Variants in RABL2A observed in about 807,000 individuals in gnomAD.
RABL2A encodes rab-like protein 2A.
In RABL2A, 17 loss-of-function variants were observed where a neutral mutation model predicts 30.7. That is an observed-to-expected ratio of 0.55 (90% confidence interval 0.38 to 0.83). The LOEUF (loss-of-function observed/expected upper bound fraction) is 0.83, where lower values mean the gene tolerates loss of function less well. Ranked by LOEUF, RABL2A falls within the 40% of genes least tolerant of loss-of-function variation. The pLI is 0.00. For missense variants in RABL2A, 155 were observed against 272.6 expected (o/e 0.57, Z 3.04); for synonymous variants, 64 against 101.8 (o/e 0.63, Z 2.24).
At chr2:113,636,086 C>A (rs1297339147) in intron 5 of RABL2A, among the ~76,000 whole-genome samples, 1 of 151,422 alleles carries the variant, frequency 6.6e-6, no homozygotes, top group African/African-American at 2.4e-5. Flanking sequence ...CCAGCCTGGG[C>A]AACAAGAGCA....
At chr2:113,628,152 G>A in intron 1 of RABL2A, 1 of 276,696 alleles carries the variant, frequency 3.6e-6, no homozygotes, top group Non-Finnish European at 6.9e-6. Flanking sequence ...ACCTATTGCT[G>A]CTATCTCATC....
At chr2:113,629,412 A>G (rs1450187999) in intron 2 of RABL2A, among the ~76,000 whole-genome samples, 2 of 152,196 alleles carry the variant, frequency 1.3e-5, no homozygotes, top group African/African-American at 4.8e-5. Flanking sequence ...TGACTCAGGT[A>G]GCTGTGAATA....
rs1453702169 is a variant in RABL2A, at chr2:113,635,046, T to C, written c.218-5T>C. On this transcript the variant is annotated splice_region_variant and splice_polypyrimidine_tract_variant and intron_variant, in intron 4 of 8. Coordinates refer to ENST00000683472, the MANE Select transcript of RABL2A (RefSeq NM_001306158.2). ...CATGTAGGTCTGTCTGTGTTCACAT[T>C]GCAGACTTTTGGGACACGGCAGGCC... 1.2e-6 allele frequency: 2 copies of C among 1,614,076 alleles called. No individual in the cohort carries two copies. Among genetic ancestry groups the C allele is most frequent in the South Asian group, 2.2e-5 (2 of 91,052 alleles).
chr2:113,637,955 A>T (rs1683585878), intron 5 of RABL2A: 7 of 985,304 alleles, frequency 7.1e-6, no homozygotes, highest in Non-Finnish European at 8.4e-6. Flanking sequence ...AGTAGAAAGC[A>T]CTTGCCTTCT....
At chr2:113,637,366 T>C (rs925704375) in intron 5 of RABL2A, 12 of 1,014,748 alleles carry the variant, frequency 1.2e-5, no homozygotes, top group African/African-American at 1.2e-4. Context: ...AGCTCTTCCG[T>C]GTGTGCTCCT....
rs1456298697 is a variant in RABL2A at position 113,642,087 on chromosome 2, C to T, written c.648C>T (p.Ser216=). Residue 216 remains serine (S), a synonymous_variant, in exon 9 of 9, where the codon AGC becomes AGT. Transcript: ENST00000683472. ...TGCCAGACCAGGAACAGAGCAGCAG[C>T]ATCGAGACCCCATCAGAGGAGGTGG... is the stretch of plus-strand genomic sequence containing the variant. The part of the protein sequence containing the change: ...EDVPDQEQSS[S]IETPSEEVAS... 3.1e-6 allele frequency: 5 copies of T among 1,613,568 alleles called. No individual in the cohort carries two copies. The highest frequency in any genetic ancestry group is 4.2e-6 in the Non-Finnish European group (5 of 1,179,854).
intron 7 of RABL2A, 148 bp from the exon 8 acceptor site, chr2:113,641,633 A>G (rs1437471082): frequency 2.8e-6 from 2 of 713,302 alleles, no homozygotes; most frequent in Non-Finnish European, 2.4e-6. Context: ...TTGACCATAC[A>G]TAGGTCAGGG....
At position 113,640,941 on chromosome 2, in the gene RABL2A, G is replaced by T. The variant is rs1684901222; in HGVS notation, c.345G>T (p.Trp115Cys). The T allele has an allele frequency of 6.2e-7, 1 of 1,613,666 alleles. No homozygotes were observed. Residue 115 changes from tryptophan (W) to cysteine (C), a missense_variant, in exon 6 of 9, where the codon TGG (tryptophan) becomes TGT (cysteine). Transcript: ENST00000683472. ...RKVTYRNLST[W>C]YTELREFRPE... is the part of the protein sequence containing the mutation. ...TCACCTATAGGAACCTGAGCACCTG[G>T]TATACAGAGCTTCGGGAGTTCAGGC...
At chr2:113,634,613 C>CT (rs1681766415) in intron 4 of RABL2A, 2 of 412,312 alleles carry the variant, frequency 4.9e-6, no homozygotes, top group Non-Finnish European at 9.1e-6. Flanking sequence ...AGAACATTAT[C>CT]TCCCACATCG....
Position 113,642,053 on chromosome 2 carries a change from A to T in RABL2A, c.614A>T (p.Glu205Val), listed in dbSNP as rs1352917305. ...CAGAACTTCAGCTTGGAGCAGGAAGAGGAGGACGTGCCAGACCAGGAACAG... is the reference window on the plus strand; with the variant it reads ...CAGAACTTCAGCTTGGAGCAGGAAGTGGAGGACGTGCCAGACCAGGAACAG... ...ELENFSLEQE[E>V]EDVPDQEQSS... The change falls in exon 9 of 9, where the codon GAG (glutamate) becomes GTG (valine). Residue 205 changes from glutamate to valine, a missense_variant. Physicochemically the swap from Glu to Val is moderately radical, Grantham distance 121. Coordinates refer to ENST00000683472, the MANE Select transcript of RABL2A (RefSeq NM_001306158.2). 2 of 1,612,924 alleles carry T rather than the reference A, an allele frequency of 1.2e-6. No individual in the cohort carries two copies. Among genetic ancestry groups the T allele is most frequent in the Non-Finnish European group, 1.7e-6 (2 of 1,179,730 alleles).
chr2:113,627,564 G>A (rs1678545788), intron 1 of RABL2A, among the ~76,000 whole-genome samples, 164 bp downstream of exon 1: 2 of 152,084 alleles, frequency 1.3e-5, no homozygotes, highest in Non-Finnish European at 2.9e-5. Context: ...GCGATGCCTG[G>A]ACATGGTTGG....
Position 113,629,216 on chromosome 2 carries a change from G to A in RABL2A, c.107+503G>A, listed in dbSNP as rs186701971. Among the ~76,000 whole-genome samples the A allele has an allele frequency of 3.9e-4, 59 of 152,294 alleles. 2 individuals carry two copies. The East Asian group carries it at 0.01, about 26-fold the overall frequency. On this transcript the variant is annotated intron_variant, in intron 2 of 8. Transcript: ENST00000683472. The stretch of plus-strand genomic sequence containing the variant: ...TGGAGAGGTGAAGGGAGGCTCTGCC[G>A]TGCTGCCAGCTTGTCTCCATGAGAC...
chr2:113,634,940 C>T, intron 4 of RABL2A, 111 bp from the exon 5 acceptor site: 6 of 1,024,140 alleles, frequency 5.9e-6, no homozygotes, highest in African/African-American at 1.6e-5. Context: ...TCCCTGTGCT[C>T]CCCATGTACA....
At chr2:113,640,254 TA>T (rs987271811) in intron 5 of RABL2A, 1 of 153,424 alleles carries the variant, frequency 6.5e-6, no homozygotes, top group African/African-American at 2.4e-5. Flanking sequence ...ACAAGAGGAC[TA>T]AAAAACACAA....
intron 5 of RABL2A, 113 bp downstream of exon 5, chr2:113,635,243 CT>C: frequency 9.6e-7 from 1 of 1,044,464 alleles, no homozygotes; most frequent in Non-Finnish European, 1.4e-6. Context: ...GGGAGGGGGG[CT>C]TAGGGTCACC....
In RABL2A at chr2:113,642,094, A is replaced by T. The variant is rs145983331; in HGVS notation, c.655A>T (p.Thr219Ser). The change falls in exon 9 of 9, where the codon ACC (threonine) becomes TCC (serine). Residue 219 changes from threonine to serine, a missense_variant. Physicochemically the swap from Thr to Ser is moderately conservative, Grantham distance 58. This residue lies in a region of RABL2A where 24 missense variants were observed against 69.4 expected (regional missense o/e 0.35). Transcript: ENST00000683472. ...CCAGGAACAGAGCAGCAGCATCGAGACCCCATCAGAGGAGGTGGCCTCTCC... is the reference window on the plus strand; with the variant it reads ...CCAGGAACAGAGCAGCAGCATCGAGTCCCCATCAGAGGAGGTGGCCTCTCC... ...PDQEQSSSIE[T>S]PSEEVASPHS The T allele has an allele frequency of 3.7e-5, 60 of 1,613,356 alleles. No individual in the cohort carries two copies. In the African/African-American group the frequency reaches 7.8e-4, roughly 21 times the overall value.
rs529168131 is a variant in RABL2A at position 113,637,542 on chromosome 2, C to T, written c.297+2412C>T. 13 of 1,201,832 alleles carry T rather than the reference C, an allele frequency of 1.1e-5. No homozygotes were observed. In the African/African-American group the frequency reaches 1.8e-4, roughly 16 times the overall value. The allele number at this position is 1,201,832 out of a possible 1,614,324, so 74.4% of individuals were successfully genotyped here. Reference sequence around the variant, plus strand: ...ACAGTGAGGATTCTTCCCTTCTGACCCTTTGCAGATGGTAAAGGAAGGAAC... The same window carrying T: ...ACAGTGAGGATTCTTCCCTTCTGACTCTTTGCAGATGGTAAAGGAAGGAAC... On this transcript the variant is annotated intron_variant, in intron 5 of 8. Transcript: ENST00000683472.
chr2:113,637,013 TAA>T (rs962140911), intron 5 of RABL2A, among the ~76,000 whole-genome samples: 4 of 147,042 alleles, frequency 2.7e-5, no homozygotes, highest in Non-Finnish European at 5.9e-5. Flanking sequence ...AATAAAAAAA[TAA>T]AGTCTGCCAT....
At chr2:113,632,020 A>G (rs1462363712) in intron 2 of RABL2A, among the ~76,000 whole-genome samples, 1 of 152,024 alleles carries the variant, frequency 6.6e-6, no homozygotes, top group Non-Finnish European at 1.5e-5. Flanking sequence ...TAAATATCAG[A>G]AGTATAAAAT....
Sources: allele counts gnomAD v4.1 joint callset (sites outside exome capture counted in the v4.1 genomes callset), GRCh38; gene constraint gnomAD v4.1.1; regional missense constraint gnomAD v4.1.1; transcripts MANE v1.5; gene names NCBI Gene and HGNC (gene_info 2026-07-23, HGNC 2026-07-21).